The following PLA2G2E variants were observed in gnomAD, a reference collection of about 807,000 sequenced individuals.
PLA2G2E encodes group IIE secretory phospholipase A2.
PLA2G2E carries 14 observed loss-of-function variants against 16.5 expected under a neutral mutation model. That is an observed-to-expected ratio of 0.85 (90% CI 0.56 to 1.33). The LOEUF (loss-of-function observed/expected upper bound fraction) is 1.33. Ranked by LOEUF, PLA2G2E falls within the 40% of genes most tolerant of loss-of-function variation. The probability of loss-of-function intolerance (pLI) is 0.00; values close to 1 mark genes in which losing one functional copy is unlikely to be tolerated. For synonymous variants in PLA2G2E, 72 were observed against 77.2 expected, an observed-to-expected ratio of 0.93 and a Z score of 0.36; for missense variants, 174 against 190.7, an observed-to-expected ratio of 0.91 and a Z score of 0.52.
chr1:19,920,132 T>C lies in PLA2G2E; in HGVS notation c.*175A>G. ...CAGGGTTCTTTCTACAGAGAAGGGGTAGCCTGGGAGGCTAGTGATGGTCCA... is the reference window on the plus strand; with the variant it reads ...CAGGGTTCTTTCTACAGAGAAGGGGCAGCCTGGGAGGCTAGTGATGGTCCA... On this transcript the variant is annotated 3_prime_UTR_variant, in exon 4 of 4. Coordinates refer to ENST00000375116, the MANE Select transcript of PLA2G2E (RefSeq NM_014589.3). The surrounding 1 kb of genome is among the most constrained non-coding windows in gnomAD (Gnocchi z 4.3). The C allele has an allele frequency of 1.7e-6, 1 of 604,132 alleles. No homozygotes were observed. The highest frequency in any genetic ancestry group is 2.1e-5 in the South Asian group (1 of 48,026). The allele number at this position is 604,132 out of a possible 1,614,324, so 37.4% of individuals were successfully genotyped here.
chr1:19,920,118 C>G lies in PLA2G2E; in HGVS notation c.*189G>C, dbSNP rs2045802884. 1.0e-5 allele frequency: 6 copies of G among 584,012 alleles called. No homozygotes were observed. The highest frequency in any genetic ancestry group is 3.2e-5 in the Admixed American group (1 of 30,958). 36.2% of individuals were successfully genotyped at this position (584,012 alleles called of 1,614,324 possible). A position where few individuals can be genotyped will look rare whatever the true frequency, so the allele number is the denominator to read the frequency against. On this transcript the variant is annotated 3_prime_UTR_variant, in exon 4 of 4. Coordinates refer to ENST00000375116, the MANE Select transcript of PLA2G2E (RefSeq NM_014589.3). This position sits in a 1 kb window ranked among gnomAD's most constrained non-coding sequence, Gnocchi z 4.3. The stretch of plus-strand genomic sequence containing the variant: ...CATGGCTCCTGGGGCAGGGTTCTTT[C>G]TACAGAGAAGGGGTAGCCTGGGAGG...
chr1:19,922,215 C>T (rs2045821657), intron 3 of PLA2G2E, 83 bp downstream of exon 3: 3 of 925,542 alleles, frequency 3.2e-6, no homozygotes, highest in Non-Finnish European at 3.4e-6. Context: ...CCAAGGTCAC[C>T]ATCAGGAGGG....
Position 19,920,991 on chromosome 1 carries a change from A to G in PLA2G2E, c.287-542T>C, listed in dbSNP as rs556017458. 6.6e-6 allele frequency among the ~76,000 whole-genome samples: 1 copy of G among 152,126 alleles called. No individual in the cohort carries two copies. The highest frequency in any genetic ancestry group is 6.5e-5 in the Admixed American group (1 of 15,292). ...GGACAGAGCCCAGTTTTCTGCCCAT[A>G]CCCAGCCTGGGAGTCAGACTTCTAC... On this transcript the variant is annotated intron_variant, in intron 3 of 3. Coordinates refer to ENST00000375116, the MANE Select transcript of PLA2G2E (RefSeq NM_014589.3). The surrounding 1 kb of genome is among the most constrained non-coding windows in gnomAD (Gnocchi z 4.3).
rs900201752 is a variant in PLA2G2E at position 19,922,640 on chromosome 1, G to A, written c.156C>T (p.His52=). ...ACCAGTCAGTCTGGTCCACCGGCCA[G>A]TGGGAGCCACCGATGCCGCAGTAAC... is the stretch of plus-strand genomic sequence containing the variant. ...YGCYCGIGGS[H]WPVDQTDWCC... is the part of the protein sequence containing the mutation. The change falls in exon 2 of 4, where the codon CAC becomes CAT. Residue 52 remains histidine, a synonymous_variant. Coordinates refer to ENST00000375116, the MANE Select transcript of PLA2G2E (RefSeq NM_014589.3). 1 of 1,614,086 alleles carries A rather than the reference G, an allele frequency of 6.2e-7. No homozygotes were observed. Among genetic ancestry groups the A allele is most frequent in the African/African-American group, 1.3e-5 (1 of 75,048 alleles).
rs551211892 is a variant in PLA2G2E at position 19,922,638 on chromosome 1, C to G, written c.158G>C (p.Trp53Ser). Reference protein sequence around the residue: ...GCYCGIGGSHWPVDQTDWCCH... With the variant: ...GCYCGIGGSHSPVDQTDWCCH... The stretch of plus-strand genomic sequence containing the variant: ...TCACCAGTCAGTCTGGTCCACCGGC[C>G]AGTGGGAGCCACCGATGCCGCAGTA... The change falls in exon 2 of 4, where the codon TGG becomes TCG. Residue 53 changes from tryptophan to serine, a missense_variant. Trp to Ser is a radical substitution (Grantham distance 177). Coordinates refer to ENST00000375116, the MANE Select transcript of PLA2G2E (RefSeq NM_014589.3). 62 of 1,614,038 alleles carry G rather than the reference C, an allele frequency of 3.8e-5. No homozygotes were observed. In the East Asian group the frequency reaches 6.7e-4, roughly 17 times the overall value.
Position 19,920,812 on chromosome 1 carries a change from G to A in PLA2G2E, c.287-363C>T, listed in dbSNP as rs116816676. 0.013 allele frequency among the ~76,000 whole-genome samples: 2,037 copies of A among 152,244 alleles called. 23 individuals are homozygous for A. The highest frequency in any genetic ancestry group is 0.02 in the Non-Finnish European group (1,382 of 68,022). On this transcript the variant is annotated intron_variant, in intron 3 of 3. Transcript: ENST00000375116. The surrounding 1 kb of genome is among the most constrained non-coding windows in gnomAD (Gnocchi z 4.3). ...CCCTGTGTGATGCGTTGCTGATGGC[G>A]GATTGTGGCCATCAAGCAGAGAGGA...
chr1:19,922,007 G>C (rs913934004), intron 3 of PLA2G2E, among the ~76,000 whole-genome samples: 2 of 152,244 alleles, frequency 1.3e-5, no homozygotes, highest in Non-Finnish European at 1.5e-5. Flanking sequence ...CCCTGGCTCA[G>C]CTCAGACCCC....
At position 19,922,356 on chromosome 1, in the gene PLA2G2E, G is replaced by C; in HGVS notation, c.228C>G (p.Gly76=). Residue 76 remains glycine (G), a synonymous_variant, in exon 3 of 4, where the codon GGC becomes GGG. Transcript: ENST00000375116. ...GATACTTTTCCAGTTTGGGCTCACA[G>C]CCCAGCTTCTCCAGACGCCCGTAGC... The part of the protein sequence containing the change: ...DCCYGRLEKL[G]CEPKLEKYLF... 1 of 1,614,088 alleles carries C rather than the reference G, an allele frequency of 6.2e-7. No homozygotes were observed. The highest frequency in any genetic ancestry group is 8.5e-7 in the Non-Finnish European group (1 of 1,179,972).
intron 3 of PLA2G2E, among the ~76,000 whole-genome samples, chr1:19,921,476 G>T (rs2045815136): frequency 6.6e-6 from 1 of 152,160 alleles, no homozygotes; most frequent in Non-Finnish European, 1.5e-5. Context: ...CCTCCCCTCA[G>T]CCCTGATCCT....
intron 3 of PLA2G2E, among the ~76,000 whole-genome samples, chr1:19,921,239 G>A (rs534504372): frequency 3.2e-4 from 48 of 152,354 alleles, no homozygotes; most frequent in Non-Finnish European, 4.0e-4. Context: ...CGCTATGTCA[G>A]CAACACCCAG....
intron 1 of PLA2G2E, among the ~76,000 whole-genome samples, chr1:19,923,113 G>C (rs3767219): frequency 7.9e-5 from 12 of 152,140 alleles, no homozygotes; most frequent in African/African-American, 2.7e-4. Flanking sequence ...TGTCCCCCCA[G>C]GTCTCATCAG....
chr1:19,922,586 A>G (rs753057622), intron 2 of PLA2G2E, 31 bp downstream of exon 2: 21 of 1,611,898 alleles, frequency 1.3e-5, no homozygotes, highest in Non-Finnish European at 1.7e-5. Flanking sequence ...CTCCATCCCC[A>G]TGGAGGTCCC....
At position 19,922,672 on chromosome 1, in the gene PLA2G2E, A is replaced by G; in HGVS notation, c.124T>C (p.Tyr42His). 3 of 1,614,006 alleles carry G rather than the reference A, an allele frequency of 1.9e-6. No individual in the cohort carries two copies. In the South Asian group the frequency reaches 3.3e-5, roughly 18 times the overall value. Residue 42 changes from tyrosine (Y) to histidine (H), a missense_variant, in exon 2 of 4, where the codon TAT becomes CAT. Transcript: ENST00000375116. ...TGKSALQYND[Y>H]GCYCGIGGSH... ...CCACCGATGCCGCAGTAACAGCCATAGTCGTTGTACTGCAGGGCGGACTTG... is the reference window on the plus strand; with the variant it reads ...CCACCGATGCCGCAGTAACAGCCATGGTCGTTGTACTGCAGGGCGGACTTG...
chr1:19,920,019 A>T lies in PLA2G2E; in HGVS notation c.*288T>A. The T allele has an allele frequency of 6.2e-6, 2 of 321,646 alleles. No homozygotes were observed. Among genetic ancestry groups the T allele is most frequent in the Non-Finnish European group, 1.1e-5 (2 of 174,458 alleles). The allele number at this position is 321,646 out of a possible 1,614,324, so 19.9% of individuals were successfully genotyped here. A position where few individuals can be genotyped will look rare whatever the true frequency, so the allele number is the denominator to read the frequency against. ...CAAAGAACATTAGAATTATGGGAAA[A>T]CATTATTCACTTATTCAGAAGAGGG... On this transcript the variant is annotated 3_prime_UTR_variant, in exon 4 of 4. Coordinates refer to ENST00000375116, the MANE Select transcript of PLA2G2E (RefSeq NM_014589.3). The surrounding 1 kb of genome is among the most constrained non-coding windows in gnomAD (Gnocchi z 4.3).
chr1:19,922,706 C>A lies in PLA2G2E; in HGVS notation c.90G>T (p.Lys30Asn). 1.2e-6 allele frequency: 2 copies of A among 1,614,034 alleles called. No homozygotes were observed. Among genetic ancestry groups the A allele is most frequent in the Non-Finnish European group, 1.7e-6 (2 of 1,179,990 alleles). Residue 30 changes from lysine to asparagine, a missense_variant, in exon 2 of 4, where the codon AAG becomes AAT. By Grantham distance (94) the Lys-to-Asn change is moderately conservative. Coordinates refer to ENST00000375116, the MANE Select transcript of PLA2G2E (RefSeq NM_014589.3). ...ACTGCAGGGCGGACTTGCCTGTCAT[C>A]TTCTCGATCATCACCCCAAACTGAA... ...NLVQFGVMIE[K>N]MTGKSALQYN... is the part of the protein sequence containing the mutation.
chr1:19,920,344 G>T lies in PLA2G2E; in HGVS notation c.392C>A (p.Pro131His). The change falls in exon 4 of 4, where the codon CCC (proline) becomes CAC (histidine). Residue 131 changes from proline (P) to histidine (H), a missense_variant. Pro to His is a moderately conservative substitution (Grantham distance 77). Coordinates refer to ENST00000375116, the MANE Select transcript of PLA2G2E (RefSeq NM_014589.3). The surrounding 1 kb of genome is among the most constrained non-coding windows in gnomAD (Gnocchi z 4.3). ...GGTGGGCCCGGTGCACAGCTTGTTG[G>T]GATAATGGGCATATTTGCGGTTGTA... ...GTYNRKYAHY[P>H]NKLCTGPTPP... 1.2e-6 allele frequency: 2 copies of T among 1,613,460 alleles called. No homozygotes were observed. The highest frequency in any genetic ancestry group is 1.1e-5 in the South Asian group (1 of 91,032).
intron 3 of PLA2G2E, among the ~76,000 whole-genome samples, chr1:19,921,050 AG>A (rs559660919): frequency 5.2e-4 from 79 of 152,298 alleles, no homozygotes; most frequent in African/African-American, 1.9e-3. Flanking sequence ...AGCTGGCATC[AG>A]CTCTGTAGGG....
At position 19,920,183 on chromosome 1, in the gene PLA2G2E, G is replaced by A. The variant is rs1410392407; in HGVS notation, c.*124C>T. 6.4e-6 allele frequency: 5 copies of A among 776,246 alleles called. No individual in the cohort carries two copies. 48.1% of individuals were successfully genotyped at this position (776,246 alleles called of 1,614,324 possible). On this transcript the variant is annotated 3_prime_UTR_variant, in exon 4 of 4. Transcript: ENST00000375116. This position sits in a 1 kb window ranked among gnomAD's most constrained non-coding sequence, Gnocchi z 4.3. Reference sequence around the variant, plus strand: ...GGACATATCTCTGAGCTCTCAAGGAGGGATGAGTTTGCAGGAAAGGAATTT... The same window carrying A: ...GGACATATCTCTGAGCTCTCAAGGAAGGATGAGTTTGCAGGAAAGGAATTT...
intron 3 of PLA2G2E, among the ~76,000 whole-genome samples, chr1:19,922,033 A>G (rs972852596): frequency 6.6e-5 from 10 of 152,114 alleles, no homozygotes; most frequent in Non-Finnish European, 1.2e-4. Flanking sequence ...TCCTCTTTCC[A>G]GAGGCTGGAG....
Sources: gnomAD v4.1 joint callset for allele counts (sites outside exome capture counted in the v4.1 genomes callset) on GRCh38, gnomAD v4.1.1 for gene constraint, Gnocchi (gnomAD v3.1) non-coding constraint, MANE v1.5 for transcripts, NCBI Gene and HGNC (gene_info 2026-07-23, HGNC 2026-07-21) for gene names.